Variants in BICC1 observed in about 807,000 individuals in gnomAD.
The protein encoded by BICC1 is protein bicaudal C homolog 1.
A neutral mutation model predicts 111.0 loss-of-function variants in BICC1; 43 were observed. That is an observed-to-expected ratio of 0.39 (90% CI 0.30 to 0.50). The LOEUF is 0.50. Ranked by LOEUF, BICC1 falls within the 20% of genes least tolerant of loss-of-function variation. The probability of loss-of-function intolerance (pLI) is 0.88; values close to 1 mark genes in which losing one functional copy is unlikely to be tolerated. For missense variants in BICC1, 1,091 were observed against 1,203.2 expected, an observed-to-expected ratio of 0.91 and a Z score of 1.38; for synonymous variants, 467 against 434.4, an observed-to-expected ratio of 1.07 and a Z score of -0.93.
intron 20 of BICC1, among the ~76,000 whole-genome samples, chr10:58,827,841 A>G (rs1844443427): frequency 6.6e-6 from 1 of 152,144 alleles, no homozygotes. Flanking sequence ...TTCCACCACC[A>G]CTACCTATTG....
chr10:58,574,438 T>C (rs988855147), intron 1 of BICC1, among the ~76,000 whole-genome samples: 1 of 152,160 alleles, frequency 6.6e-6, no homozygotes, highest in Non-Finnish European at 1.5e-5. Context: ...AAATGCAGTG[T>C]GATAAACTTT....
chr10:58,733,175 C>T (rs1293183972), intron 3 of BICC1, among the ~76,000 whole-genome samples: 1 of 152,082 alleles, frequency 6.6e-6, no homozygotes, highest in Non-Finnish European at 1.5e-5. Flanking sequence ...TTTGTAAACA[C>T]CTGTAACTCT....
At chr10:58,701,789 T>G (rs1840244686) in intron 2 of BICC1, among the ~76,000 whole-genome samples, 1 of 152,224 alleles carries the variant, frequency 6.6e-6, no homozygotes, top group African/African-American at 2.4e-5. Context: ...TAATTACTTG[T>G]TCATGTACTT....
At chr10:58,660,105 G>A (rs1838792294) in intron 2 of BICC1, among the ~76,000 whole-genome samples, 2 of 152,166 alleles carry the variant, frequency 1.3e-5, no homozygotes, top group African/African-American at 4.8e-5. Context: ...TGTGGGTCTA[G>A]GGGCCCTTTG....
intron 1 of BICC1, among the ~76,000 whole-genome samples, chr10:58,586,762 G>T (rs1010965545): frequency 3.9e-5 from 6 of 152,072 alleles, no homozygotes; most frequent in African/African-American, 1.4e-4. Context: ...TAGGCAGAAA[G>T]CATGCAGTTA....
At chr10:58,575,087 A>G (rs1195310853) in intron 1 of BICC1, among the ~76,000 whole-genome samples, 2 of 151,686 alleles carry the variant, frequency 1.3e-5, no homozygotes, top group Non-Finnish European at 2.9e-5. Flanking sequence ...TTAGGTATAC[A>G]TGTGCCATGG....
chr10:58,653,768 T>G (rs142865553), intron 2 of BICC1, among the ~76,000 whole-genome samples: 1,711 of 150,438 alleles, frequency 0.011, 43 homozygotes, highest in African/African-American at 0.04. Flanking sequence ...GCCATGCTGG[T>G]GTGCTGCACC....
At chr10:58,621,031 A>G in intron 2 of BICC1, 130 bp downstream of exon 2, 2 of 679,802 alleles carry the variant, frequency 2.9e-6, no homozygotes, top group Non-Finnish European at 4.8e-6. Flanking sequence ...GGAGCTGGAA[A>G]CACTCAGAGC....
intron 1 of BICC1, among the ~76,000 whole-genome samples, chr10:58,571,433 C>A (rs1033070143): frequency 3.9e-5 from 6 of 152,134 alleles, no homozygotes; most frequent in Non-Finnish European, 8.8e-5. Context: ...ATTGTCCCAT[C>A]ACCCAGGTAT....
intron 1 of BICC1, among the ~76,000 whole-genome samples, chr10:58,542,429 A>G (rs770431670): frequency 2.0e-5 from 3 of 152,084 alleles, no homozygotes; most frequent in Non-Finnish European, 4.4e-5. Context: ...AGAAGAAAAC[A>G]GGGGAAAAGC....
chr10:58,612,598 T>C lies in BICC1; in HGVS notation c.191-8257T>C, dbSNP rs908583523. Among the ~76,000 whole-genome samples, 28 of 67,464 alleles carry C rather than the reference T, an allele frequency of 4.2e-4. 1 individual carries two copies. Among genetic ancestry groups the C allele is most frequent in the Admixed American group, 3.8e-3 (19 of 4,974 alleles). 44.3% of individuals were successfully genotyped at this position (67,464 alleles called of 152,430 possible). A position where few individuals can be genotyped will look rare whatever the true frequency, so the allele number is the denominator to read the frequency against. On this transcript the variant is annotated intron_variant, in intron 1 of 20. Coordinates refer to ENST00000373886, the MANE Select transcript of BICC1 (RefSeq NM_001080512.3). ...TTAGTTGCAAATGTGTTGAGTTGTGTTAAAAAAAAAAAAAAAAGATGGAGA... is the reference window on the plus strand; with the variant it reads ...TTAGTTGCAAATGTGTTGAGTTGTGCTAAAAAAAAAAAAAAAAGATGGAGA...
intron 3 of BICC1, among the ~76,000 whole-genome samples, chr10:58,757,002 T>G (rs1247320891): frequency 6.6e-6 from 1 of 152,190 alleles, no homozygotes; most frequent in Non-Finnish European, 1.5e-5. Flanking sequence ...TTTTAAAAAT[T>G]CAATTATTGT....
chr10:58,530,318 A>G (rs185951441), intron 1 of BICC1, among the ~76,000 whole-genome samples: 52 of 151,932 alleles, frequency 3.4e-4, no homozygotes, highest in Admixed American at 1.4e-3. Flanking sequence ...GAGGATGACT[A>G]CTACTTCTGG....
intron 2 of BICC1, among the ~76,000 whole-genome samples, chr10:58,637,493 T>C (rs1807658550): frequency 6.6e-6 from 1 of 152,250 alleles, no homozygotes; most frequent in South Asian, 2.1e-4. Flanking sequence ...AAAGAACGTT[T>C]CGTGTCTCAG....
intron 3 of BICC1, among the ~76,000 whole-genome samples, chr10:58,766,335 A>T (rs1446125542): frequency 6.6e-6 from 1 of 152,222 alleles, no homozygotes; most frequent in African/African-American, 2.4e-5. Context: ...ACTTGATGGA[A>T]TAACATATTG....
chr10:58,737,533 A>G (rs1841510848), intron 3 of BICC1, among the ~76,000 whole-genome samples: 1 of 152,186 alleles, frequency 6.6e-6, no homozygotes, highest in South Asian at 2.1e-4. Context: ...AGTCTTCGCT[A>G]TTGTGAATAG....
intron 3 of BICC1, chr10:58,715,620 A>G: frequency 1.2e-6 from 2 of 1,605,832 alleles, no homozygotes; most frequent in African/African-American, 2.7e-5. Context: ...AAGGGGTCCA[A>G]TCCAGTCTTC....
chr10:58,733,292 G>A (rs1033462586), intron 3 of BICC1, among the ~76,000 whole-genome samples: 5 of 152,204 alleles, frequency 3.3e-5, no homozygotes, highest in African/African-American at 1.2e-4. Context: ...GTGAGTGAAT[G>A]AATAATGAAT....
chr10:58,583,839 A>T (rs558438367), intron 1 of BICC1, among the ~76,000 whole-genome samples: 13 of 152,088 alleles, frequency 8.5e-5, no homozygotes, highest in South Asian at 4.2e-4. Flanking sequence ...GATCTTAAGG[A>T]ATCTCCACAC....
Sources: allele counts gnomAD v4.1 joint callset (sites outside exome capture counted in the v4.1 genomes callset), GRCh38; gene constraint gnomAD v4.1.1; transcripts MANE v1.5; gene names NCBI Gene and HGNC (gene_info 2026-07-23, HGNC 2026-07-21).